Variants in CADM1 observed in about 807,000 individuals in gnomAD.
The protein encoded by CADM1 is TSLC-1.
In CADM1, 15 loss-of-function variants were observed where a neutral mutation model predicts 53.1. The ratio of observed to expected loss-of-function variants is 0.28; its 90% confidence interval spans 0.19 to 0.44. The LOEUF is 0.44. Among genes scored for constraint, CADM1 ranks in the 20% least tolerant of loss-of-function variants. The pLI is 1.00. For missense variants in CADM1, 434 were observed against 611.3 expected (o/e 0.71, Z 3.06); for synonymous variants, 281 against 243.0 (o/e 1.16, Z -1.45).
intron 5 of CADM1, 60 bp from the exon 6 acceptor site, chr11:115,218,051 A>G (rs1941261565): frequency 1.7e-6 from 2 of 1,187,740 alleles, no homozygotes; most frequent in African/African-American, 3.0e-5. Context: ...GCAAAATCAG[A>G]CTCACACACT....
At chr11:115,388,911 G>C (rs1946765952) in intron 1 of CADM1, among the ~76,000 whole-genome samples, 1 of 152,048 alleles carries the variant, frequency 6.6e-6, no homozygotes, top group Non-Finnish European at 1.5e-5. Flanking sequence ...TGACCAAACT[G>C]AAATATGGAG....
intron 1 of CADM1, among the ~76,000 whole-genome samples, chr11:115,429,853 T>C (rs1947997736): frequency 6.6e-6 from 1 of 152,178 alleles, no homozygotes; most frequent in Non-Finnish European, 1.5e-5. Flanking sequence ...AAACTCAGTG[T>C]GGTTTGTTCC....
intron 1 of CADM1, among the ~76,000 whole-genome samples, chr11:115,353,177 G>A (rs1312062564): frequency 1.3e-5 from 2 of 152,190 alleles, no homozygotes; most frequent in African/African-American, 4.8e-5. Context: ...GGTACAGACA[G>A]GATTTCTTTT....
intron 1 of CADM1, among the ~76,000 whole-genome samples, chr11:115,465,523 T>C (rs998975018): frequency 6.6e-6 from 1 of 152,184 alleles, no homozygotes; most frequent in Non-Finnish European, 1.5e-5. Flanking sequence ...CTAACACTAA[T>C]AGAGCCCTTA....
intron 1 of CADM1, among the ~76,000 whole-genome samples, chr11:115,500,566 G>T (rs536067364): frequency 6.6e-6 from 1 of 152,202 alleles, no homozygotes; most frequent in Non-Finnish European, 1.5e-5. Flanking sequence ...ACAATTTTTG[G>T]ATGCTGGTTT....
intron 7 of CADM1, among the ~76,000 whole-genome samples, chr11:115,211,290 G>A (rs1940945646): frequency 2.0e-5 from 3 of 151,898 alleles, no homozygotes; most frequent in Admixed American, 6.6e-5. Context: ...ACTGACCCCT[G>A]AGCCCAGCAC....
intron 1 of CADM1, among the ~76,000 whole-genome samples, chr11:115,320,196 G>A (rs1944785051): frequency 6.6e-6 from 1 of 152,048 alleles, no homozygotes; most frequent in African/African-American, 2.4e-5. Context: ...CCGAGCAGCT[G>A]GGAGTACATG....
At chr11:115,464,492 G>C (rs314491) in intron 1 of CADM1, among the ~76,000 whole-genome samples, 131,829 of 152,202 alleles carry the variant, frequency 0.87, 57,524 homozygotes, top group East Asian at 1. Context: ...GGGAAGGCCA[G>C]ACTAACCCAC....
intron 1 of CADM1, among the ~76,000 whole-genome samples, chr11:115,326,625 A>G (rs907435646): frequency 2.0e-5 from 3 of 152,236 alleles, no homozygotes; most frequent in African/African-American, 7.2e-5. Context: ...TCTAGAATAC[A>G]AATTAGCAAG....
chr11:115,293,433 A>G (rs536355953), intron 1 of CADM1, among the ~76,000 whole-genome samples: 1 of 152,260 alleles, frequency 6.6e-6, no homozygotes, highest in East Asian at 1.9e-4. Flanking sequence ...ACTCCGTCTC[A>G]AAAAGAAAAA....
chr11:115,285,960 T>C (rs935614464), intron 1 of CADM1, among the ~76,000 whole-genome samples: 7 of 152,186 alleles, frequency 4.6e-5, no homozygotes, highest in African/African-American at 9.7e-5. Context: ...AAAATTATCA[T>C]AGACATGGTT....
At chr11:115,416,270 A>G (rs1333035801) in intron 1 of CADM1, among the ~76,000 whole-genome samples, 3 of 152,238 alleles carry the variant, frequency 2.0e-5, no homozygotes, top group Admixed American at 6.5e-5. Flanking sequence ...AAAGCTGAGT[A>G]TCTTTGGCCA....
chr11:115,222,959 G>T (rs969669820), intron 5 of CADM1, among the ~76,000 whole-genome samples: 1 of 152,046 alleles, frequency 6.6e-6, no homozygotes, highest in South Asian at 2.1e-4. Flanking sequence ...ACAAGAGAGG[G>T]GTTTTTTTGT....
intron 8 of CADM1, among the ~76,000 whole-genome samples, chr11:115,200,652 C>T (rs61908543): frequency 0.047 from 7,143 of 152,236 alleles, 334 homozygotes; most frequent in African/African-American, 0.13. Flanking sequence ...TGTGCCACCA[C>T]GCCTGGCTAA....
chr11:115,227,082 T>C (rs567436256), intron 5 of CADM1, among the ~76,000 whole-genome samples: 1 of 152,314 alleles, frequency 6.6e-6, no homozygotes, highest in African/African-American at 2.4e-5. Context: ...GGCTAAAATA[T>C]TTGTATGATT....
chr11:115,240,398 C>A lies in CADM1; in HGVS notation c.147G>T (p.Thr49=). ...CTCCCTCGATCACTGTCACGTCTTT[C>A]GTAAACAGATTCTGCCCATCACCTT... The part of the protein sequence containing the change: ...IPTGDGQNLF[T]KDVTVIEGEV... The change falls in exon 2 of 12, where the codon ACG becomes ACT. Residue 49 remains threonine (T), a synonymous_variant. Coordinates refer to ENST00000331581, the MANE Select transcript of CADM1 (RefSeq NM_001301043.2). The A allele has an allele frequency of 6.2e-7, 1 of 1,613,558 alleles. No homozygotes were observed. Among genetic ancestry groups the A allele is most frequent in the Non-Finnish European group, 8.5e-7 (1 of 1,179,778 alleles).
chr11:115,319,766 T>G (rs1324239380), intron 1 of CADM1, among the ~76,000 whole-genome samples: 1 of 124,616 alleles, frequency 8.0e-6, no homozygotes, highest in Non-Finnish European at 1.7e-5. Flanking sequence ...ATGTTGTTAC[T>G]TCCTCTAATA....
chr11:115,254,199 G>A (rs1211509603), intron 1 of CADM1, among the ~76,000 whole-genome samples: 1 of 152,088 alleles, frequency 6.6e-6, no homozygotes, highest in African/African-American at 2.4e-5. Context: ...GGCTAAGAGG[G>A]CGAATGTTAA....
At position 115,229,277 on chromosome 11, in the gene CADM1, G is replaced by A; in HGVS notation, c.563-6C>T. On this transcript the variant is annotated splice_polypyrimidine_tract_variant and splice_region_variant and intron_variant, in intron 4 of 11. Coordinates refer to ENST00000331581, the MANE Select transcript of CADM1 (RefSeq NM_001301043.2). The stretch of plus-strand genomic sequence containing the variant: ...CTCTTCCACCTCCGATTTGCCTGGG[G>A]AACAGAAAATGTACCAAGACACCAG... The A allele has an allele frequency of 6.2e-7, 1 of 1,613,946 alleles. No homozygotes were observed.
Sources: gnomAD v4.1 joint callset for allele counts (sites outside exome capture counted in the v4.1 genomes callset) on GRCh38, gnomAD v4.1.1 for gene constraint, MANE v1.5 for transcripts, NCBI Gene and HGNC (gene_info 2026-07-23, HGNC 2026-07-21) for gene names.